IQCK: variants seen among roughly 807,000 people sequenced by gnomAD.
IQCK encodes IQ domain-containing protein K.
IQCK carries 29 observed loss-of-function variants against 28.1 expected under a neutral mutation model. The observed-to-expected ratio is 1.03, with a 90% CI of 0.77 to 1.41. The LOEUF (loss-of-function observed/expected upper bound fraction) is 1.41, where lower values mean the gene tolerates loss of function less well. IQCK is among the 40% of genes most tolerant of loss of function. The pLI is 0.00. For synonymous variants in IQCK, 113 were observed against 115.1 expected (o/e 0.98, Z 0.12); for missense variants, 359 against 314.7 (o/e 1.14, Z -1.07).
downstream of IQCK, among the ~76,000 whole-genome samples, chr16:19,830,261 C>T (rs531073185): frequency 1.3e-5 from 2 of 152,262 alleles, no homozygotes; most frequent in East Asian, 1.9e-4. Context: ...GTTTAAAGGT[C>T]GAGGAAAGTG....
chr16:19,846,500 C>T (rs764460495), intron 9 of IQCK, among the ~76,000 whole-genome samples: 3 of 152,238 alleles, frequency 2.0e-5, no homozygotes, highest in Non-Finnish European at 4.4e-5. Flanking sequence ...GCCACTCCCA[C>T]GCCAAATGTT....
downstream of IQCK, among the ~76,000 whole-genome samples, chr16:19,829,781 G>A (rs1345072560): frequency 6.6e-6 from 1 of 152,074 alleles, no homozygotes; most frequent in Admixed American, 6.6e-5. Flanking sequence ...CTATTAGGTT[G>A]GTGCAAGAAT....
intron 7 of IQCK, among the ~76,000 whole-genome samples, chr16:19,821,636 G>T (rs534600475): frequency 2.2e-4 from 33 of 152,358 alleles, no homozygotes; most frequent in African/African-American, 7.5e-4. Flanking sequence ...GGAGGTTGCA[G>T]TGAGGCGAGA....
intron 4 of IQCK, among the ~76,000 whole-genome samples, chr16:19,747,656 C>T (rs927002872): frequency 1.2e-4 from 19 of 152,216 alleles, no homozygotes; most frequent in Middle Eastern, 3.4e-3. Flanking sequence ...TTCACCCTTC[C>T]GAGTCTTCAC....
intron 9 of IQCK, among the ~76,000 whole-genome samples, chr16:19,855,320 A>T (rs1458981856): frequency 6.6e-6 from 1 of 152,188 alleles, no homozygotes; most frequent in African/African-American, 2.4e-5. Flanking sequence ...GGCCAGGCGC[A>T]GTGGCTCACA....
intron 7 of IQCK, among the ~76,000 whole-genome samples, chr16:19,823,344 C>T (rs1254548895): frequency 6.6e-6 from 1 of 152,144 alleles, no homozygotes; most frequent in East Asian, 1.9e-4. Context: ...CTCCCTTCAC[C>T]AGTTTCTCTT....
At position 19,761,722 on chromosome 16, in the gene IQCK, A is replaced by G. The variant is rs1001545888; in HGVS notation, c.475-2126A>G. 2.0e-5 allele frequency: 5 copies of G among 253,440 alleles called. 1 individual carries two copies. The highest frequency in any genetic ancestry group is 5.0e-5 in the Admixed American group (1 of 20,160). 15.7% of individuals were successfully genotyped at this position (253,440 alleles called of 1,614,324 possible). On this transcript the variant is annotated intron_variant, in intron 4 of 7. Coordinates refer to ENST00000564186, the Ensembl canonical transcript of IQCK. ...GGCAGGCTCAGCTTATCTTCTCCCC[A>G]TTACTCTGGGATGTCTTTTCCCTTG...
chr16:19,758,946 A>G (rs2151705163), intron 4 of IQCK, among the ~76,000 whole-genome samples: 1 of 152,342 alleles, frequency 6.6e-6, no homozygotes, highest in East Asian at 1.9e-4. Flanking sequence ...TTGAATTATA[A>G]AGCTGAGTTT....
At chr16:19,838,566 C>T (rs191536769) in intron 9 of IQCK, among the ~76,000 whole-genome samples, 12 of 152,210 alleles carry the variant, frequency 7.9e-5, no homozygotes, top group East Asian at 1.9e-4. Context: ...AGCTGGGGCC[C>T]GGCCTACAGG....
At chr16:19,778,569 A>G (rs554792297) in intron 6 of IQCK, among the ~76,000 whole-genome samples, 2 of 152,234 alleles carry the variant, frequency 1.3e-5, no homozygotes, top group African/African-American at 4.8e-5. Flanking sequence ...AGGGGAGAGT[A>G]TCACTTGGAC....
intron 9 of IQCK, among the ~76,000 whole-genome samples, chr16:19,849,820 G>T (rs1235818416): frequency 2.0e-5 from 3 of 151,990 alleles, no homozygotes; most frequent in Admixed American, 2.0e-4. Flanking sequence ...AAGGAAGGCA[G>T]GGATGATTAA....
intron 1 of IQCK, among the ~76,000 whole-genome samples, chr16:19,721,539 TC>T (rs1002161017): frequency 1.3e-5 from 2 of 152,130 alleles, no homozygotes; most frequent in African/African-American, 4.8e-5. Flanking sequence ...CTAGCTGTGT[TC>T]ATGGTTTTAA....
At chr16:19,836,601 C>T (rs2056300850) in intron 9 of IQCK, among the ~76,000 whole-genome samples, 1 of 152,178 alleles carries the variant, frequency 6.6e-6, no homozygotes, top group Non-Finnish European at 1.5e-5. Context: ...GCAACCTCCG[C>T]CTCCCGGGTT....
At chr16:19,827,383 A>G (rs569967547), downstream of IQCK, among the ~76,000 whole-genome samples, 3 of 152,266 alleles carry the variant, frequency 2.0e-5, no homozygotes, top group South Asian at 4.1e-4. Flanking sequence ...TGCAGTTTCT[A>G]TTTTTGAAGC....
chr16:19,718,893 T>A (rs1423921651), intron 1 of IQCK, among the ~76,000 whole-genome samples: 1 of 152,230 alleles, frequency 6.6e-6, no homozygotes, highest in Non-Finnish European at 1.5e-5. Context: ...GCAGGGAATC[T>A]GCACTTTTTA....
intron 4 of IQCK, chr16:19,761,486 A>T: frequency 2.2e-6 from 1 of 448,220 alleles, no homozygotes; most frequent in East Asian, 7.0e-5. Flanking sequence ...ACTTTGTAGC[A>T]TCTTTCTTCT....
At chr16:19,807,927 T>C (rs543548656) in intron 7 of IQCK, among the ~76,000 whole-genome samples, 22 of 152,328 alleles carry the variant, frequency 1.4e-4, no homozygotes, top group Admixed American at 2.6e-4. Context: ...TCCTGATCAT[T>C]TCCTGATGAT....
chr16:19,781,034 G>A (rs2055475452), intron 6 of IQCK, among the ~76,000 whole-genome samples: 2 of 152,162 alleles, frequency 1.3e-5, no homozygotes, highest in Middle Eastern at 3.2e-3. Context: ...CCTGTGAGAG[G>A]TTTGAAAAGG....
intron 9 of IQCK, among the ~76,000 whole-genome samples, chr16:19,841,244 T>C (rs564913092): frequency 2.0e-5 from 3 of 152,264 alleles, no homozygotes; most frequent in African/African-American, 7.2e-5. Flanking sequence ...TACGAAACCT[T>C]TTCAAAAATG....
Sources: gnomAD v4.1 joint callset for allele counts (sites outside exome capture counted in the v4.1 genomes callset) on GRCh38, gnomAD v4.1.1 for gene constraint, MANE v1.5 for transcripts, NCBI Gene and HGNC (gene_info 2026-07-23, HGNC 2026-07-21) for gene names.